The following HTR1F variants were observed in gnomAD, a reference collection of about 807,000 sequenced individuals.
HTR1F encodes 5-hydroxytryptamine receptor 1F.
In HTR1F, 17 loss-of-function variants were observed where a neutral mutation model predicts 24.0. The observed-to-expected ratio is 0.71, with a 90% CI of 0.48 to 1.06. HTR1F has a LOEUF of 1.06. Ranked by LOEUF, HTR1F falls within the 50% of genes least tolerant of loss-of-function variation. HTR1F has a pLI of 0.00. For synonymous variants in HTR1F, 186 were observed against 156.8 expected, an observed-to-expected ratio of 1.19 and a Z score of -1.39; for missense variants, 391 against 427.8, an observed-to-expected ratio of 0.91 and a Z score of 0.76.
intron 2 of HTR1F, among the ~76,000 whole-genome samples, chr3:87,950,784 T>C (rs1489723343): frequency 1.3e-5 from 2 of 152,194 alleles, no homozygotes; most frequent in Non-Finnish European, 2.9e-5. Flanking sequence ...GTCAGAGTTG[T>C]TGTCAATTCA....
At chr3:87,923,520 T>G (rs1411215179) in intron 2 of HTR1F, among the ~76,000 whole-genome samples, 13 of 151,628 alleles carry the variant, frequency 8.6e-5, no homozygotes, top group African/African-American at 1.7e-4. Flanking sequence ...TGCTTTCTTG[T>G]TTTTTTTAAC....
chr3:87,925,233 G>A (rs892720627), intron 2 of HTR1F, among the ~76,000 whole-genome samples: 3 of 152,216 alleles, frequency 2.0e-5, no homozygotes, highest in African/African-American at 4.8e-5. Flanking sequence ...CCTGGTCAAG[G>A]GATTGGGGCG....
At position 87,862,989 on chromosome 3, in the gene HTR1F, G is replaced by C. The variant is rs1445532088; in HGVS notation, c.-43+40865G>C. On this transcript the variant is annotated intron_variant, in intron 2 of 2. Coordinates refer to ENST00000319595, the MANE Select transcript of HTR1F (RefSeq NM_001322209.2). The stretch of plus-strand genomic sequence containing the variant: ...GTGCCACCACCACTGGCTAATTTTT[G>C]TATTTTTAGTAGAGATGGGGTTTCA... 2.0e-5 allele frequency among the ~76,000 whole-genome samples: 3 copies of C among 151,960 alleles called. No individual in the cohort carries two copies. In the East Asian group the frequency reaches 5.8e-4, roughly 29 times the overall value.
intron 2 of HTR1F, among the ~76,000 whole-genome samples, chr3:87,947,471 A>G (rs1225337415): frequency 6.6e-6 from 1 of 152,164 alleles, no homozygotes; most frequent in Non-Finnish European, 1.5e-5. Context: ...ATGAACTTTA[A>G]GAGGACTATT....
At chr3:87,981,086 C>T (rs1044121182) in intron 2 of HTR1F, among the ~76,000 whole-genome samples, 11 of 152,188 alleles carry the variant, frequency 7.2e-5, no homozygotes, top group African/African-American at 2.7e-4. Flanking sequence ...AGTGCACAGC[C>T]CAGCCTTCAC....
chr3:87,845,119 C>T (rs1704909802), intron 2 of HTR1F, among the ~76,000 whole-genome samples: 1 of 151,654 alleles, frequency 6.6e-6, no homozygotes, highest in Admixed American at 6.6e-5. Flanking sequence ...AACCCACAGC[C>T]AATATCATAC....
intron 2 of HTR1F, among the ~76,000 whole-genome samples, chr3:87,865,695 C>A (rs961751197): frequency 1.3e-5 from 2 of 152,078 alleles, no homozygotes; most frequent in African/African-American, 4.8e-5. Context: ...ACTCCCATTT[C>A]TCCCAAGTGT....
At chr3:87,879,348 A>G (rs909955187) in intron 2 of HTR1F, among the ~76,000 whole-genome samples, 1 of 152,208 alleles carries the variant, frequency 6.6e-6, no homozygotes, top group African/African-American at 2.4e-5. Flanking sequence ...TATAAGTCTT[A>G]GTACTGATGT....
intron 2 of HTR1F, among the ~76,000 whole-genome samples, chr3:87,825,252 C>G (rs1704439442): frequency 6.6e-6 from 1 of 152,118 alleles, no homozygotes; most frequent in African/African-American, 2.4e-5. Flanking sequence ...TTTAAATGAT[C>G]CCAAATAATC....
intron 2 of HTR1F, among the ~76,000 whole-genome samples, chr3:87,970,800 A>T (rs1204801877): frequency 6.6e-6 from 1 of 152,176 alleles, no homozygotes; most frequent in Non-Finnish European, 1.5e-5. Flanking sequence ...CTCCCTAGTT[A>T]CCATGTGCTT....
chr3:87,977,772 T>G (rs1474338965), intron 2 of HTR1F, among the ~76,000 whole-genome samples: 1 of 151,464 alleles, frequency 6.6e-6, no homozygotes, highest in Non-Finnish European at 1.5e-5. Context: ...ACACACACTA[T>G]TATGTGGGGG....
At chr3:87,869,946 A>T (rs183250951) in intron 2 of HTR1F, among the ~76,000 whole-genome samples, 1 of 152,276 alleles carries the variant, frequency 6.6e-6, no homozygotes, top group East Asian at 1.9e-4. Flanking sequence ...ACATTTGATA[A>T]AATAAGATAC....
intron 1 of HTR1F, among the ~76,000 whole-genome samples, chr3:87,798,318 C>T (rs900622006): frequency 1.8e-4 from 27 of 152,222 alleles, no homozygotes; most frequent in African/African-American, 6.5e-4. Flanking sequence ...CTGCTTCCCT[C>T]TAGGCCGATT....
At chr3:87,920,415 C>T (rs1413535903) in intron 2 of HTR1F, among the ~76,000 whole-genome samples, 12 of 151,804 alleles carry the variant, frequency 7.9e-5, no homozygotes, top group Admixed American at 7.2e-4. Context: ...AAAAAACAAG[C>T]ATATCTCTGA....
chr3:87,923,448 GA>G (rs1483042706), intron 2 of HTR1F, among the ~76,000 whole-genome samples: 18 of 151,752 alleles, frequency 1.2e-4, no homozygotes, highest in Non-Finnish European at 1.0e-4. Context: ...TTTTATCAGA[GA>G]TTTTTTTGGT....
chr3:87,794,017 TA>T (rs1271637883), intron 1 of HTR1F, among the ~76,000 whole-genome samples: 4 of 151,948 alleles, frequency 2.6e-5, no homozygotes, highest in Admixed American at 6.6e-5. Flanking sequence ...GTACAAATTT[TA>T]AAACGGGTTT....
intron 2 of HTR1F, among the ~76,000 whole-genome samples, chr3:87,851,839 T>G (rs576414647): frequency 6.6e-6 from 1 of 151,710 alleles, no homozygotes; most frequent in Non-Finnish European, 1.5e-5. Flanking sequence ...AGAATGTACA[T>G]TTCTTATATA....
intron 2 of HTR1F, 132 bp from the exon 3 acceptor site, chr3:87,990,576 C>T: frequency 1.9e-6 from 1 of 536,662 alleles, no homozygotes; most frequent in Non-Finnish European, 3.2e-6. Flanking sequence ...AACCTTCAAT[C>T]TGAACCTCAT....
chr3:87,909,329 A>G (rs1253025051), intron 2 of HTR1F, among the ~76,000 whole-genome samples: 3 of 152,066 alleles, frequency 2.0e-5, no homozygotes, highest in African/African-American at 7.2e-5. Flanking sequence ...AACCTAGCCA[A>G]TGTGCTTCAG....
Sources: allele counts gnomAD v4.1 joint callset (sites outside exome capture counted in the v4.1 genomes callset), GRCh38; gene constraint gnomAD v4.1.1; transcripts MANE v1.5; gene names NCBI Gene and HGNC (gene_info 2026-07-23, HGNC 2026-07-21).